Variants in LHFPL6 observed in about 807,000 individuals in gnomAD.
LHFPL6 encodes the protein LHFPL tetraspan subfamily member 6 protein.
In LHFPL6, 9 loss-of-function variants were observed where a neutral mutation model predicts 20.6. That is an observed-to-expected ratio of 0.44 (90% CI 0.26 to 0.76). The LOEUF is 0.76. LHFPL6 is among the 30% of genes least tolerant of loss of function. The probability of loss-of-function intolerance (pLI) is 0.20; values close to 1 mark genes in which losing one functional copy is unlikely to be tolerated. For missense variants in LHFPL6, 218 were observed against 253.5 expected (o/e 0.86, Z 0.95); for synonymous variants, 105 against 98.7 (o/e 1.06, Z -0.38).
At chr13:39,594,943 A>G (rs1476207861) in intron 2 of LHFPL6, among the ~76,000 whole-genome samples, 1 of 152,096 alleles carries the variant, frequency 6.6e-6, no homozygotes, top group African/African-American at 2.4e-5. Context: ...CAGGAAGGGG[A>G]ACATCACATA....
At chr13:39,407,679 A>G (rs371282071) in intron 2 of LHFPL6, among the ~76,000 whole-genome samples, 1 of 152,222 alleles carries the variant, frequency 6.6e-6, no homozygotes, top group Non-Finnish European at 1.5e-5. Flanking sequence ...CTACTACCTA[A>G]TAAATATTTT....
chr13:39,368,321 C>T (rs1400683035), intron 3 of LHFPL6, among the ~76,000 whole-genome samples: 4 of 150,512 alleles, frequency 2.7e-5, no homozygotes, highest in African/African-American at 4.9e-5. Context: ...TGGTGGCTCA[C>T]GCCTGTAACC....
intron 2 of LHFPL6, among the ~76,000 whole-genome samples, chr13:39,419,500 T>C (rs1871427619): frequency 6.6e-6 from 1 of 152,234 alleles, no homozygotes; most frequent in Non-Finnish European, 1.5e-5. Flanking sequence ...TTATAACCAA[T>C]AAATGTCTCA....
intron 2 of LHFPL6, among the ~76,000 whole-genome samples, chr13:39,462,262 T>G (rs9603544): frequency 6.6e-5 from 10 of 152,034 alleles, no homozygotes; most frequent in South Asian, 2.1e-4. Flanking sequence ...AACACTCCCC[T>G]CTAAGGATTT....
chr13:39,441,619 C>G (rs1440385699), intron 2 of LHFPL6, among the ~76,000 whole-genome samples: 3 of 151,390 alleles, frequency 2.0e-5, no homozygotes, highest in Admixed American at 6.6e-5. Flanking sequence ...CTCAAGTGAT[C>G]CTCCCACCTC....
chr13:39,528,192 G>A (rs924917988), intron 2 of LHFPL6, among the ~76,000 whole-genome samples: 3 of 152,094 alleles, frequency 2.0e-5, no homozygotes, highest in Non-Finnish European at 4.4e-5. Flanking sequence ...GGATCTCAGC[G>A]CCCAGGCCAG....
At chr13:39,396,110 T>C (rs895474245) in intron 2 of LHFPL6, among the ~76,000 whole-genome samples, 2 of 151,858 alleles carry the variant, frequency 1.3e-5, no homozygotes, top group African/African-American at 4.8e-5. Context: ...CTCTGCAGGG[T>C]GTTGGGGGTG....
At chr13:39,517,221 C>T (rs536691064) in intron 2 of LHFPL6, among the ~76,000 whole-genome samples, 1 of 152,146 alleles carries the variant, frequency 6.6e-6, no homozygotes, top group South Asian at 2.1e-4. Flanking sequence ...ATTTAAAATG[C>T]AATTTGCTGA....
At chr13:39,493,600 G>C (rs1309275310) in intron 2 of LHFPL6, among the ~76,000 whole-genome samples, 3 of 152,204 alleles carry the variant, frequency 2.0e-5, no homozygotes, top group Non-Finnish European at 4.4e-5. Context: ...CATAGAGACA[G>C]AGAACAAAAG....
intron 3 of LHFPL6, among the ~76,000 whole-genome samples, chr13:39,350,826 G>A (rs778990910): frequency 4.6e-5 from 7 of 152,192 alleles, no homozygotes; most frequent in Non-Finnish European, 7.3e-5. Context: ...AGACTGTGGC[G>A]GAATTCCAGG....
intron 2 of LHFPL6, among the ~76,000 whole-genome samples, chr13:39,480,002 G>T (rs907896454): frequency 1.3e-5 from 2 of 152,080 alleles, no homozygotes; most frequent in Non-Finnish European, 2.9e-5. Context: ...TATAAAATTG[G>T]CATTTTTCCA....
At chr13:39,595,284 T>A (rs1872737303) in intron 2 of LHFPL6, among the ~76,000 whole-genome samples, 1 of 152,160 alleles carries the variant, frequency 6.6e-6, no homozygotes, top group South Asian at 2.1e-4. Context: ...GTCAGCCGCC[T>A]GTAGTGTATC....
intron 2 of LHFPL6, among the ~76,000 whole-genome samples, chr13:39,547,161 C>T (rs527296531): frequency 6.6e-6 from 1 of 152,176 alleles, no homozygotes; most frequent in South Asian, 2.1e-4. Flanking sequence ...AGTGCCCTGG[C>T]TAAATTTTAC....
intron 2 of LHFPL6, among the ~76,000 whole-genome samples, chr13:39,490,106 A>C (rs1297247940): frequency 6.6e-6 from 1 of 152,180 alleles, no homozygotes; most frequent in Non-Finnish European, 1.5e-5. Context: ...AAAAAAAAAA[A>C]CAGGAAACGT....
At chr13:39,516,804 T>C (rs1444902070) in intron 2 of LHFPL6, among the ~76,000 whole-genome samples, 2 of 152,274 alleles carry the variant, frequency 1.3e-5, no homozygotes, top group Non-Finnish European at 2.9e-5. Flanking sequence ...CCTGAGTAAT[T>C]TACAGTCCCA....
intron 2 of LHFPL6, among the ~76,000 whole-genome samples, chr13:39,514,697 A>C (rs1245403878): frequency 2.6e-5 from 4 of 152,238 alleles, no homozygotes; most frequent in African/African-American, 9.6e-5. Flanking sequence ...CACAGCTCCA[A>C]AAACAGGAAC....
At chr13:39,446,686 T>C (rs1031784679) in intron 2 of LHFPL6, among the ~76,000 whole-genome samples, 1 of 118,298 alleles carries the variant, frequency 8.5e-6, no homozygotes, top group Non-Finnish European at 1.8e-5. Context: ...AAGTAAACCA[T>C]ATTGCCCAAA....
chr13:39,378,559 G>A (rs1416241663), intron 2 of LHFPL6, 33 bp from the exon 3 acceptor site: 1 of 1,488,684 alleles, frequency 6.7e-7, no homozygotes, highest in African/African-American at 1.4e-5. Flanking sequence ...GGCTTTACCA[G>A]TGCTTCTCTG....
At chr13:39,564,288 T>C (rs1047368219) in intron 2 of LHFPL6, among the ~76,000 whole-genome samples, 6 of 152,142 alleles carry the variant, frequency 3.9e-5, no homozygotes, top group African/African-American at 1.4e-4. Context: ...AATGGTAAAA[T>C]CTATTGCCAA....
Sources: gnomAD v4.1 joint callset for allele counts (sites outside exome capture counted in the v4.1 genomes callset) on GRCh38, gnomAD v4.1.1 for gene constraint, MANE v1.5 for transcripts, NCBI Gene and HGNC (gene_info 2026-07-23, HGNC 2026-07-21) for gene names.